The following IL3RA variants were observed in gnomAD, a reference collection of about 807,000 sequenced individuals.
IL3RA encodes the protein interleukin 3 receptor subunit alpha.
A neutral mutation model predicts 52.3 loss-of-function variants in IL3RA; 73 were observed. The ratio of observed to expected loss-of-function variants is 1.40; its 90% confidence interval spans 1.16 to 1.70. The LOEUF (loss-of-function observed/expected upper bound fraction) is 1.70, where lower values mean the gene tolerates loss of function less well. IL3RA is among the 40% of genes most tolerant of loss of function. IL3RA has a pLI of 0.00. For missense variants in IL3RA, 664 were observed against 504.4 expected (o/e 1.32, Z -3.03); for synonymous variants, 260 against 194.0 (o/e 1.34, Z -2.83).
intron 6 of IL3RA, among the ~76,000 whole-genome samples, chrX:1,354,647 T>G (rs867542382): frequency 0.051 from 472 of 9,230 alleles, no homozygotes; most frequent in African/African-American, 0.063. Context: ...GGGGAGGAGG[T>G]GGAGATGGGG....
In IL3RA at chrX:1,359,967, ATC is replaced by A. The variant is rs754876232; in HGVS notation, c.759+1087_759+1088del. Among the ~76,000 whole-genome samples, 1,132 of 118,826 alleles carry A rather than the reference ATC, an allele frequency of 9.5e-3. 5 individuals are homozygous for A. The highest frequency in any genetic ancestry group is 0.053 in the South Asian group (192 of 3,654). 78.0% of individuals were successfully genotyped at this position (118,826 alleles called of 152,430 possible). On this transcript the variant is annotated intron_variant, in intron 8 of 11. Coordinates refer to ENST00000331035, the MANE Select transcript of IL3RA (RefSeq NM_002183.4). Reference sequence around the variant, plus strand: ...TCTGTTTCTCCGTGTCTGTCTCTGTATCTCTCTCCCTTTCTCCCTCCATCTTT... The same window carrying A: ...TCTGTTTCTCCGTGTCTGTCTCTGTATCTCTCCCTTTCTCCCTCCATCTTT...
chrX:1,377,162 C>T (rs753217639), intron 9 of IL3RA, among the ~76,000 whole-genome samples: 2 of 152,330 alleles, frequency 1.3e-5, no homozygotes, highest in African/African-American at 4.8e-5. Context: ...CCAGCCCTGC[C>T]CATGCCCATC....
intron 1 of IL3RA, among the ~76,000 whole-genome samples, chrX:1,339,668 G>A (rs555056131): frequency 4.6e-5 from 7 of 152,104 alleles, no homozygotes; most frequent in East Asian, 1.9e-4. Flanking sequence ...GGCGGACACC[G>A]GTAATCCCAT....
intron 8 of IL3RA, among the ~76,000 whole-genome samples, chrX:1,360,925 CTCTG>C (rs750474298): frequency 1.0e-4 from 12 of 117,408 alleles, no homozygotes; most frequent in African/African-American, 3.2e-4. Context: ...CCCTTCCCCT[CTCTG>C]TCTCTCTCTC....
intron 10 of IL3RA, among the ~76,000 whole-genome samples, chrX:1,379,208 T>C (rs774216332): frequency 6.6e-6 from 1 of 151,320 alleles, no homozygotes; most frequent in African/African-American, 2.4e-5. Context: ...CAGGCTGGAG[T>C]GCAGTGGCTC....
At chrX:1,360,408 GTC>G (rs1168643926) in intron 8 of IL3RA, among the ~76,000 whole-genome samples, 2 of 142,464 alleles carry the variant, frequency 1.4e-5, no homozygotes, top group African/African-American at 5.3e-5. Context: ...CTGTGTCTCT[GTC>G]TCTCCCTCTT....
At chrX:1,348,658 CTT>C (rs1359609219) in intron 4 of IL3RA, 113 bp downstream of exon 4, 9 of 428,362 alleles carry the variant, frequency 2.1e-5, no homozygotes, top group African/African-American at 1.0e-4. Context: ...TTCTTTCTTT[CTT>C]TCTTTCTTTC....
Position 1,382,462 on chromosome X carries a change from TTGAGAC to T in IL3RA, c.1137_*5del. On this transcript the variant is annotated stop_lost and 3_prime_UTR_variant, in exon 12 of 12. Coordinates refer to ENST00000331035, the MANE Select transcript of IL3RA (RefSeq NM_002183.4). ...CTGAAGTACAGGTCGTGCAGAAAAC[TTGAGAC>T]TGGGGTTCAGGGCTTGTGGGGGTCT... The T allele has an allele frequency of 6.2e-7, 1 of 1,613,772 alleles. No homozygotes were observed. Among genetic ancestry groups the T allele is most frequent in the South Asian group, 1.1e-5 (1 of 91,080 alleles).
chrX:1,352,558 T>G, intron 6 of IL3RA, 52 bp downstream of exon 6: 1 of 1,572,228 alleles, frequency 6.4e-7, no homozygotes. Context: ...ATACCACGGC[T>G]TTAGCGCCAG....
intron 1 of IL3RA, among the ~76,000 whole-genome samples, chrX:1,341,215 G>A (rs7054665): frequency 0.84 from 127,121 of 151,768 alleles, 54,333 homozygotes; most frequent in Non-Finnish European, 0.93. Context: ...CAGGAGAGTC[G>A]CTTGAACCTG....
rs777839806 is a variant in IL3RA, at chrX:1,382,502, C to T, written c.*37C>T. 6.3e-7 allele frequency: 1 copy of T among 1,598,608 alleles called. No homozygotes were observed. Among genetic ancestry groups the T allele is most frequent in the East Asian group, 2.2e-5 (1 of 44,800 alleles). ...AGGGCTTGTGGGGGTCTGCCTCAAT[C>T]TCCCTGGCCGGGCCAGGCGCCTGCA... On this transcript the variant is annotated 3_prime_UTR_variant, in exon 12 of 12. Transcript: ENST00000331035.
intron 4 of IL3RA, 92 bp downstream of exon 4, chrX:1,348,637 T>G: frequency 1.4e-6 from 1 of 736,968 alleles, no homozygotes; most frequent in Non-Finnish European, 2.3e-6. Flanking sequence ...TTTTTTCTTT[T>G]CTTTTTCTCT....
At chrX:1,350,514 G>C (rs188500291) in intron 4 of IL3RA, among the ~76,000 whole-genome samples, 3,059 of 150,016 alleles carry the variant, frequency 0.02, 110 homozygotes, top group African/African-American at 0.071. Flanking sequence ...ACTTGAACCC[G>C]GGAGGCGGAG....
chrX:1,378,630 T>G (rs1331593866), intron 9 of IL3RA, 29 bp from the exon 10 acceptor site: 2 of 1,594,278 alleles, frequency 1.3e-6, no homozygotes, highest in Non-Finnish European at 1.7e-6. Context: ...CGGCCCCCGG[T>G]CTGTGACCCT....
chrX:1,354,717 G>A (rs1423702832), intron 6 of IL3RA, among the ~76,000 whole-genome samples: 1 of 105,578 alleles, frequency 9.5e-6, no homozygotes, highest in Non-Finnish European at 2.1e-5. Context: ...GAAAATGGAG[G>A]GAAAGGAGGG....
At chrX:1,347,013 C>G (rs761567443) in intron 3 of IL3RA, among the ~76,000 whole-genome samples, 2 of 150,428 alleles carry the variant, frequency 1.3e-5, no homozygotes, top group Non-Finnish European at 1.5e-5. Context: ...CCATGGCAAA[C>G]TGACTCTCAA....
chrX:1,352,481 T>G lies in IL3RA; in HGVS notation c.591T>G (p.Asp197Glu). The stretch of plus-strand genomic sequence containing the variant: ...CAGCCTTCGGTATCCCCTGCACAGA[T>G]AAGTTTGTCGTCTTTTCACAGATTG... ...RSAAFGIPCT[D>E]KFVVFSQIEI... Residue 197 changes from aspartate to glutamate, a missense_variant, in exon 6 of 12, where the codon GAT becomes GAG. Physicochemically the swap from Asp to Glu is conservative, Grantham distance 45 (BLOSUM62 2). Transcript: ENST00000331035. 6.2e-7 allele frequency: 1 copy of G among 1,613,456 alleles called. No individual in the cohort carries two copies. The highest frequency in any genetic ancestry group is 8.5e-7 in the Non-Finnish European group (1 of 1,179,626).
intron 9 of IL3RA, among the ~76,000 whole-genome samples, chrX:1,366,326 C>G (rs866627676): frequency 3.3e-4 from 9 of 27,386 alleles, no homozygotes; most frequent in African/African-American, 9.4e-4. Flanking sequence ...CCGGGTGAGC[C>G]GGGTGCGCGG....
Position 1,356,352 on chromosome X carries a change from G to GGCC in IL3RA, c.732+16_732+17insGCC. 1 of 1,466,904 alleles carries GGCC rather than the reference G, an allele frequency of 6.8e-7. No individual in the cohort carries two copies. Among genetic ancestry groups the GGCC allele is most frequent in the Non-Finnish European group, 9.3e-7 (1 of 1,071,566 alleles). The allele number at this position is 1,466,904 out of a possible 1,614,324, so 90.9% of individuals were successfully genotyped here. A position where few individuals can be genotyped will look rare whatever the true frequency, so the allele number is the denominator to read the frequency against. Reference sequence around the variant, plus strand: ...GATACAAAAGGTAAACTTTCACCCCGCCCCCAGCCCCCCCACCCCCGTGGA... The same window carrying GGCC: ...GATACAAAAGGTAAACTTTCACCCCGGCCCCCCCAGCCCCCCCACCCCCGTGGA... On this transcript the variant is annotated intron_variant, in intron 7 of 11. Transcript: ENST00000331035.
Sources: gnomAD v4.1 joint callset for allele counts (sites outside exome capture counted in the v4.1 genomes callset) on GRCh38, gnomAD v4.1.1 for gene constraint, MANE v1.5 for transcripts, NCBI Gene and HGNC (gene_info 2026-07-23, HGNC 2026-07-21) for gene names.